The following UBE3C variants were observed in gnomAD, a reference collection of about 807,000 sequenced individuals.
The protein encoded by UBE3C is ubiquitin-protein ligase E3C.
In UBE3C, 42 loss-of-function variants were observed where a neutral mutation model predicts 129.4. That is an observed-to-expected ratio of 0.32 (90% confidence interval 0.25 to 0.42). The LOEUF (loss-of-function observed/expected upper bound fraction) is 0.42, where lower values mean the gene tolerates loss of function less well. Among genes scored for constraint, UBE3C ranks in the 10% least tolerant of loss-of-function variants. The probability of loss-of-function intolerance (pLI) is 1.00; values close to 1 mark genes in which losing one functional copy is unlikely to be tolerated. For missense variants in UBE3C, 1,049 were observed against 1,319.1 expected (o/e 0.80, Z 3.17); for synonymous variants, 510 against 492.4 (o/e 1.04, Z -0.47).
chr7:157,187,969 A>G (rs941449806), intron 10 of UBE3C, among the ~76,000 whole-genome samples: 4 of 152,200 alleles, frequency 2.6e-5, no homozygotes, highest in Admixed American at 1.3e-4. Context: ...TTTGGTTCAG[A>G]CAAAACAAAA....
At chr7:157,149,826 G>T (rs148768294) in intron 1 of UBE3C, among the ~76,000 whole-genome samples, 7 of 152,334 alleles carry the variant, frequency 4.6e-5, no homozygotes, top group African/African-American at 1.7e-4. Flanking sequence ...GAATTTGGAA[G>T]TGGGGCATCT....
chr7:157,176,037 G>A (rs1378416369), intron 5 of UBE3C, among the ~76,000 whole-genome samples: 1 of 152,148 alleles, frequency 6.6e-6, no homozygotes, highest in African/African-American at 2.4e-5. Flanking sequence ...GGTTTGGCCT[G>A]TGGGTTGTAG....
At chr7:157,162,319 C>T (rs548651632) in intron 1 of UBE3C, among the ~76,000 whole-genome samples, 298 of 151,928 alleles carry the variant, frequency 2.0e-3, no homozygotes, top group African/African-American at 6.9e-3. Flanking sequence ...CTCAGCCTCT[C>T]GAGTAGCTGG....
Position 157,220,674 on chromosome 7 carries a change from G to A in UBE3C, c.1915-15G>A, listed in dbSNP as rs1466162474. On this transcript the variant is annotated splice_polypyrimidine_tract_variant and intron_variant, in intron 14 of 22. Coordinates refer to ENST00000348165, the MANE Select transcript of UBE3C (RefSeq NM_014671.3). ...AGAGCACAGGGGAGTTCTGAACCAG[G>A]ATTGCCCCCGACAGGTCACTCAGCT... 1 of 1,613,994 alleles carries A rather than the reference G, an allele frequency of 6.2e-7. No homozygotes were observed. The highest frequency in any genetic ancestry group is 1.7e-5 in the Admixed American group (1 of 60,016).
chr7:157,247,877 A>T, intron 18 of UBE3C, among the ~76,000 whole-genome samples: 1 of 151,922 alleles, frequency 6.6e-6, no homozygotes. Context: ...CTAATACCCC[A>T]TCCTGTGGGC....
chr7:157,177,925 TTC>T (rs1481640246), intron 5 of UBE3C, among the ~76,000 whole-genome samples: 2 of 146,288 alleles, frequency 1.4e-5, no homozygotes, highest in Non-Finnish European at 3.0e-5. Flanking sequence ...GTCAGATGGA[TTC>T]TGTTTTTTTT....
At chr7:157,191,201 A>G (rs903569089) in intron 10 of UBE3C, among the ~76,000 whole-genome samples, 2 of 152,242 alleles carry the variant, frequency 1.3e-5, no homozygotes, top group Non-Finnish European at 2.9e-5. Context: ...TGTGATTTAG[A>G]TAAACAGCGG....
intron 22 of UBE3C, among the ~76,000 whole-genome samples, chr7:157,266,912 T>C (rs1306716772): frequency 6.6e-6 from 1 of 151,948 alleles, no homozygotes; most frequent in Non-Finnish European, 1.5e-5. Context: ...TTGTTTTGAT[T>C]TTTATTTTTA....
intron 21 of UBE3C, among the ~76,000 whole-genome samples, chr7:157,255,795 A>G (rs1796737072): frequency 6.6e-6 from 1 of 152,230 alleles, no homozygotes; most frequent in African/African-American, 2.4e-5. Context: ...CTAGATTAAA[A>G]GCTGTAAGTG....
At chr7:157,144,264 C>G (rs1392753558) in intron 1 of UBE3C, among the ~76,000 whole-genome samples, 1 of 152,140 alleles carries the variant, frequency 6.6e-6, no homozygotes. Context: ...CCATAGCACT[C>G]CAGCCTAGGC....
intron 1 of UBE3C, among the ~76,000 whole-genome samples, chr7:157,156,789 T>C (rs1409424476): frequency 6.6e-6 from 1 of 151,814 alleles, no homozygotes; most frequent in Non-Finnish European, 1.5e-5. Context: ...TTAATAATAC[T>C]CTCGGAGACA....
intron 17 of UBE3C, among the ~76,000 whole-genome samples, chr7:157,227,688 G>T (rs1465038986): frequency 6.6e-6 from 1 of 151,506 alleles, no homozygotes; most frequent in Non-Finnish European, 1.5e-5. Context: ...AACAGAGTGA[G>T]ACTTCATCTC....
rs1808666208 is a variant in UBE3C at position 157,181,548 on chromosome 7, A to G, written c.647A>G (p.Asn216Ser). Reference protein sequence around the residue: ...GYYRSLYLLINSKLPSSIEYS... With the variant: ...GYYRSLYLLISSKLPSSIEYS... The stretch of plus-strand genomic sequence containing the variant: ...TATAGGTCTCTATATTTGTTGATTA[A>G]CAGCAAGCTTCCATCAAGTATTGAA... Residue 216 changes from asparagine (N) to serine (S), a missense_variant, in exon 7 of 23, where the codon AAC becomes AGC. Asn to Ser is a conservative substitution (Grantham distance 46). Coordinates refer to ENST00000348165, the MANE Select transcript of UBE3C (RefSeq NM_014671.3). 1 of 1,611,288 alleles carries G rather than the reference A, an allele frequency of 6.2e-7. No homozygotes were observed. Among genetic ancestry groups the G allele is most frequent in the South Asian group, 1.1e-5 (1 of 90,360 alleles).
At chr7:157,144,288 C>A (rs190275354) in intron 1 of UBE3C, among the ~76,000 whole-genome samples, 48 of 152,242 alleles carry the variant, frequency 3.2e-4, no homozygotes, top group African/African-American at 9.9e-4. Context: ...ACAGCATGAC[C>A]CCATCTCTTA....
chr7:157,267,554 A>G, intron 22 of UBE3C, 31 bp from the exon 23 acceptor site: 2 of 1,611,016 alleles, frequency 1.2e-6, no homozygotes, highest in Non-Finnish European at 1.7e-6. Context: ...TGCTTGTTAC[A>G]GTGACATCTT....
rs928186128 is a variant in UBE3C at position 157,257,412 on chromosome 7, G to A, written c.3081+368G>A. Among the ~76,000 whole-genome samples, 3 of 152,142 alleles carry A rather than the reference G, an allele frequency of 2.0e-5. No individual in the cohort carries two copies. The East Asian group carries it at 5.8e-4, about 29-fold the overall frequency. On this transcript the variant is annotated intron_variant, in intron 22 of 22. Transcript: ENST00000348165. ...TACAACGTAGAGATGTTGATGGAGT[G>A]TATATGCTACTGAGCCTTATTTTAC...
chr7:157,191,248 C>T (rs1028959651), intron 10 of UBE3C, among the ~76,000 whole-genome samples: 5 of 152,068 alleles, frequency 3.3e-5, no homozygotes, highest in Non-Finnish European at 5.9e-5. Context: ...TCTGTGCACG[C>T]GCGTGTGTAT....
chr7:157,144,275 G>A (rs1403581416), intron 1 of UBE3C, among the ~76,000 whole-genome samples: 2 of 152,160 alleles, frequency 1.3e-5, no homozygotes, highest in East Asian at 1.9e-4. Flanking sequence ...CAGCCTAGGC[G>A]ACACAGCATG....
intron 10 of UBE3C, among the ~76,000 whole-genome samples, chr7:157,191,710 C>T (rs1255111976): frequency 6.6e-6 from 1 of 152,100 alleles, no homozygotes; most frequent in East Asian, 1.9e-4. Context: ...ATATCTTATA[C>T]TTTAATAATT....
Sources: gnomAD v4.1 joint callset for allele counts (sites outside exome capture counted in the v4.1 genomes callset) on GRCh38, gnomAD v4.1.1 for gene constraint, MANE v1.5 for transcripts, NCBI Gene and HGNC (gene_info 2026-07-23, HGNC 2026-07-21) for gene names.